ABLIM1: variants seen among roughly 807,000 people sequenced by gnomAD.
The protein encoded by ABLIM1 is actin binding LIM protein 1, also known as actin-binding LIM protein 1.
ABLIM1 carries 40 observed loss-of-function variants against 107.0 expected under a neutral mutation model. The ratio of observed to expected loss-of-function variants is 0.37; its 90% CI spans 0.29 to 0.49. ABLIM1 has a LOEUF of 0.49. Ranked by LOEUF, ABLIM1 falls within the 20% of genes least tolerant of loss-of-function variation. The probability of loss-of-function intolerance (pLI) is 0.97; values close to 1 mark genes in which losing one functional copy is unlikely to be tolerated. For missense variants in ABLIM1, 857 were observed against 1,008.5 expected (o/e 0.85, Z 2.04); for synonymous variants, 357 against 357.3 (o/e 1.00, Z 0.01).
chr10:114,789,748 C>T, the ABLIM1 span, among the ~76,000 whole-genome samples: 44 of 149,434 alleles, frequency 2.9e-4, no homozygotes, highest in African/African-American at 1.1e-3. Context: ...TGTCCATGTC[C>T]TATGCCCACT....
intron 17 of ABLIM1, 33 bp downstream of exon 17, chr10:114,443,996 C>T (rs528780089): frequency 6.4e-6 from 10 of 1,565,334 alleles, no homozygotes; most frequent in East Asian, 4.5e-5. Context: ...GGCTGGCTCT[C>T]GAATCAGGGA....
intron 1 of ABLIM1, among the ~76,000 whole-genome samples, chr10:114,700,588 A>G (rs1010538987): frequency 6.6e-6 from 1 of 152,112 alleles, no homozygotes; most frequent in Non-Finnish European, 1.5e-5. Flanking sequence ...ATAATGAAAG[A>G]CAAATTAATC....
At chr10:114,561,964 T>C (rs947780397) in intron 4 of ABLIM1, among the ~76,000 whole-genome samples, 21 of 152,208 alleles carry the variant, frequency 1.4e-4, no homozygotes, top group African/African-American at 5.1e-4. Context: ...GTCATAATTG[T>C]TACAGATTTC....
chr10:114,452,464 A>C (rs907049234), intron 13 of ABLIM1, among the ~76,000 whole-genome samples: 2 of 152,172 alleles, frequency 1.3e-5, no homozygotes, highest in African/African-American at 4.8e-5. Flanking sequence ...CTTTTTTAGA[A>C]AGGACAGTCC....
At chr10:114,612,875 G>C (rs948960426) in intron 1 of ABLIM1, among the ~76,000 whole-genome samples, 16 of 152,162 alleles carry the variant, frequency 1.1e-4, no homozygotes, top group African/African-American at 3.9e-4. Flanking sequence ...CTTGAGACAG[G>C]GTTTAGCTTA....
rs763310492 is a variant in ABLIM1 at position 114,447,907 on chromosome 10, G to A, written c.1708C>T (p.Pro570Ser). 4 of 1,613,976 alleles carry A rather than the reference G, an allele frequency of 2.5e-6. No individual in the cohort carries two copies. The African/African-American group carries it at 5.3e-5, about 22-fold the overall frequency. ...ACGACAGCAAATGAGGGGGGACCAG[G>A]CCAGTGGTCCGTCTCAATCTTTGGT... ...ETPKIETDHW[P>S]GPPSFAVVGP... Residue 570 changes from proline (P) to serine (S), a missense_variant, in exon 15 of 23, where the codon CCT (proline) becomes TCT (serine). Pro to Ser is a moderately conservative substitution (Grantham distance 74). Coordinates refer to ENST00000533213, the MANE Select transcript of ABLIM1 (RefSeq NM_002313.7).
intron 12 of ABLIM1, among the ~76,000 whole-genome samples, chr10:114,454,524 C>A (rs999167571): frequency 6.6e-6 from 1 of 152,072 alleles, no homozygotes; most frequent in African/African-American, 2.4e-5. Flanking sequence ...GACTGGCCAC[C>A]TTGTCTGGAA....
intron 22 of ABLIM1, among the ~76,000 whole-genome samples, chr10:114,436,975 T>C (rs1249190925): frequency 6.6e-6 from 1 of 152,130 alleles, no homozygotes; most frequent in East Asian, 1.9e-4. Context: ...TTAAAATCAT[T>C]GGGATGGAAA....
At chr10:114,514,435 G>A (rs376281006) in intron 6 of ABLIM1, among the ~76,000 whole-genome samples, 2 of 152,054 alleles carry the variant, frequency 1.3e-5, no homozygotes, top group African/African-American at 2.4e-5. Context: ...ATGCAGTGGC[G>A]TGATCACAGC....
intron 1 of ABLIM1, among the ~76,000 whole-genome samples, chr10:114,627,617 G>C (rs946220377): frequency 6.6e-6 from 1 of 152,174 alleles, no homozygotes; most frequent in Admixed American, 6.5e-5. Flanking sequence ...AAAGAACTAA[G>C]CTAGAACATC....
chr10:114,494,793 C>G (rs1032081612), intron 6 of ABLIM1, among the ~76,000 whole-genome samples: 2 of 152,128 alleles, frequency 1.3e-5, no homozygotes. Context: ...GGATTCAAAT[C>G]CAGTTTCAGT....
intron 1 of ABLIM1, among the ~76,000 whole-genome samples, chr10:114,634,509 A>C (rs1454043121): frequency 6.6e-6 from 1 of 152,164 alleles, no homozygotes; most frequent in African/African-American, 2.4e-5. Flanking sequence ...CTCTTATTAC[A>C]GTTCTGAACC....
At chr10:114,600,460 CT>C (rs1316715584) in intron 2 of ABLIM1, among the ~76,000 whole-genome samples, 3 of 152,162 alleles carry the variant, frequency 2.0e-5, no homozygotes, top group Admixed American at 2.0e-4. Context: ...CTCCTGAAAA[CT>C]TTACTCTCAG....
At chr10:114,468,264 T>A in intron 10 of ABLIM1, 48 bp from the exon 11 acceptor site, 2 of 1,578,322 alleles carry the variant, frequency 1.3e-6, no homozygotes, top group Non-Finnish European at 1.7e-6. Context: ...GTTAACTCTT[T>A]GCCGTTTTGT....
In ABLIM1 at chr10:114,483,912, C is replaced by T. The variant is rs142731575; in HGVS notation, c.1041+4046G>A. Among the ~76,000 whole-genome samples the T allele has an allele frequency of 5.7e-4, 87 of 152,266 alleles. 1 individual carries two copies. The East Asian group carries it at 0.012, about 22-fold the overall frequency. On this transcript the variant is annotated intron_variant, in intron 8 of 22. Coordinates refer to ENST00000533213, the MANE Select transcript of ABLIM1 (RefSeq NM_002313.7). The stretch of plus-strand genomic sequence containing the variant: ...ACTGATTCTCAGAGACCCCTAAAGA[C>T]GGTCAGGTACACTGTGCATGCAGCA...
At chr10:114,512,957 T>A (rs1233884871) in intron 6 of ABLIM1, among the ~76,000 whole-genome samples, 1 of 152,064 alleles carries the variant, frequency 6.6e-6, no homozygotes, top group Non-Finnish European at 1.5e-5. Context: ...AGCCGAATTT[T>A]GCTTTTATTA....
At chr10:114,729,953 C>T (rs1027752940) in intron 1 of ABLIM1, among the ~76,000 whole-genome samples, 1 of 152,156 alleles carries the variant, frequency 6.6e-6, no homozygotes, top group Admixed American at 6.5e-5. Context: ...AATTCAGTGG[C>T]TTTCTATTCT....
chr10:114,577,099 C>A (rs1358047216), intron 2 of ABLIM1, among the ~76,000 whole-genome samples: 1 of 152,168 alleles, frequency 6.6e-6, no homozygotes, highest in Non-Finnish European at 1.5e-5. Flanking sequence ...GGTCACAGAA[C>A]CTTAGAGTGT....
intron 10 of ABLIM1, among the ~76,000 whole-genome samples, chr10:114,471,456 A>G (rs910594035): frequency 1.3e-5 from 2 of 152,156 alleles, no homozygotes; most frequent in African/African-American, 4.8e-5. Context: ...CTTATGCCCT[A>G]CGAAACTCTG....
Sources: allele counts gnomAD v4.1 joint callset (sites outside exome capture counted in the v4.1 genomes callset), GRCh38; gene constraint gnomAD v4.1.1; transcripts MANE v1.5; gene names NCBI Gene and HGNC (gene_info 2026-07-23, HGNC 2026-07-21).